Variants in EPAS1 observed in about 807,000 individuals in gnomAD.
EPAS1 encodes the protein endothelial PAS domain protein 1, also known as endothelial PAS domain-containing protein 1.
A neutral mutation model predicts 87.9 loss-of-function variants in EPAS1; 23 were observed. The ratio of observed to expected loss-of-function variants is 0.26; its 90% CI spans 0.19 to 0.37. The LOEUF (loss-of-function observed/expected upper bound fraction) is 0.37. Ranked by LOEUF, EPAS1 falls within the 10% of genes least tolerant of loss-of-function variation. The pLI is 1.00. For synonymous variants in EPAS1, 508 were observed against 444.3 expected, an observed-to-expected ratio of 1.14 and a Z score of -1.80; for missense variants, 1,138 against 1,120.7, an observed-to-expected ratio of 1.02 and a Z score of -0.22.
At chr2:46,362,661 C>T (rs1684417119) in intron 6 of EPAS1, among the ~76,000 whole-genome samples, 1 of 152,232 alleles carries the variant, frequency 6.6e-6, no homozygotes, top group African/African-American at 2.4e-5. Context: ...GGACCCTCCT[C>T]TCCAGGATGG....
At chr2:46,348,273 A>G (rs999822377) in intron 2 of EPAS1, among the ~76,000 whole-genome samples, 1 of 152,216 alleles carries the variant, frequency 6.6e-6, no homozygotes, top group African/African-American at 2.4e-5. Context: ...AAATACTTTC[A>G]AAGAACAATG....
intron 1 of EPAS1, among the ~76,000 whole-genome samples, chr2:46,311,638 C>T (rs1422336078): frequency 6.6e-6 from 1 of 152,212 alleles, no homozygotes; most frequent in East Asian, 1.9e-4. Flanking sequence ...GGGTGTGAAA[C>T]CTGTGAACAT....
intron 1 of EPAS1, among the ~76,000 whole-genome samples, chr2:46,329,024 A>C (rs1457617569): frequency 6.6e-6 from 1 of 152,274 alleles, no homozygotes; most frequent in East Asian, 1.9e-4. Flanking sequence ...AGCCTCTGGG[A>C]AAGTGCTCAC....
At position 46,360,937 on chromosome 2, in the gene EPAS1, A is replaced by G. The variant is rs764942113; in HGVS notation, c.626A>G (p.Asn209Ser). The G allele has an allele frequency of 7.4e-6, 12 of 1,613,976 alleles. No homozygotes were observed. Among genetic ancestry groups the G allele is most frequent in the Middle Eastern group, 1.6e-4 (1 of 6,084 alleles). Reference sequence around the variant, plus strand: ...GTCTACAACAACTGCCCTCCTCACAATAGTCTGTGTGGCTACAAGGAGCCC... The same window carrying G: ...GTCTACAACAACTGCCCTCCTCACAGTAGTCTGTGTGGCTACAAGGAGCCC... ...VKVYNNCPPH[N>S]SLCGYKEPLL... The change falls in exon 6 of 16, where the codon AAT (asparagine) becomes AGT (serine). Residue 209 changes from asparagine (N) to serine (S), a missense_variant. Around this residue, in one of 4 missense-constraint regions of EPAS1, gnomAD observed 351 missense variants for 417.1 expected, o/e 0.84. Coordinates refer to ENST00000263734, the MANE Select transcript of EPAS1 (RefSeq NM_001430.5). The surrounding 1 kb of genome is among the most constrained non-coding windows in gnomAD (Gnocchi z 4.5).
chr2:46,338,922 T>C, intron 1 of EPAS1, among the ~76,000 whole-genome samples: 1 of 23,508 alleles, frequency 4.3e-5, no homozygotes, highest in Non-Finnish European at 8.1e-5. Flanking sequence ...TCAGCTTTCA[T>C]GGGGTGGGGG....
At chr2:46,312,158 C>T (rs541920996) in intron 1 of EPAS1, among the ~76,000 whole-genome samples, 13 of 152,296 alleles carry the variant, frequency 8.5e-5, no homozygotes, top group African/African-American at 2.9e-4. Flanking sequence ...TTGGGATGAC[C>T]ACAGGGTTCT....
At chr2:46,370,419 G>A (rs1684604755) in intron 7 of EPAS1, among the ~76,000 whole-genome samples, 1 of 152,220 alleles carries the variant, frequency 6.6e-6, no homozygotes, top group Non-Finnish European at 1.5e-5. Flanking sequence ...GGAGGCTTAG[G>A]CTGAACAGAG....
chr2:46,365,922 A>G (rs1684490467), intron 6 of EPAS1, among the ~76,000 whole-genome samples: 1 of 152,266 alleles, frequency 6.6e-6, no homozygotes, highest in African/African-American at 2.4e-5. Flanking sequence ...TTATTAGCAG[A>G]TACATTCTTT....
Position 46,380,443 on chromosome 2 carries a change from C to T in EPAS1, c.1771C>T (p.Gln591Ter). 1 of 1,614,182 alleles carries T rather than the reference C, an allele frequency of 6.2e-7. No homozygotes were observed. The highest frequency in any genetic ancestry group is 8.5e-7 in the Non-Finnish European group (1 of 1,180,020). Reference protein sequence around the residue: ...SPFLLDKFQQQLESKKTEPEH... With the variant: ...SPFLLDKFQQ ...CTTCCTCCTGGACAAGTTTCAGCAG[C>T]AGCTGGAGAGCAAGAAGACAGAGCC... Residue 591 changes from glutamine to a stop codon, truncating the protein, a stop_gained, in exon 12 of 16, where the codon CAG becomes TAG. Transcript: ENST00000263734. LOFTEE classifies it high-confidence loss of function. The surrounding 1 kb of genome is among the most constrained non-coding windows in gnomAD (Gnocchi z 4.4).
In EPAS1 at chr2:46,369,807, C is replaced by T. The variant is rs778178776; in HGVS notation, c.780-20C>T. 10 of 1,590,318 alleles carry T rather than the reference C, an allele frequency of 6.3e-6. No homozygotes were observed. Among genetic ancestry groups the T allele is most frequent in the Middle Eastern group, 1.7e-4 (1 of 6,048 alleles). ...TAATATGGTCTTTCTTCCTTACATGCTGCCTTTTTAAAAACTCAGAATCAC... is the reference window on the plus strand; with the variant it reads ...TAATATGGTCTTTCTTCCTTACATGTTGCCTTTTTAAAAACTCAGAATCAC... On this transcript the variant is annotated intron_variant, in intron 6 of 15. Transcript: ENST00000263734.
chr2:46,384,349 C>G (rs943896194), intron 15 of EPAS1, 160 bp from the exon 16 acceptor site: 1 of 1,014,434 alleles, frequency 9.9e-7, no homozygotes, highest in African/African-American at 1.6e-5. Flanking sequence ...TGGAGGCAGA[C>G]ACGTTCCCCG....
chr2:46,375,584 G>A lies in EPAS1; in HGVS notation c.887-106G>A, dbSNP rs1305835194. ...CCTCACTGTCGTGGCGCCCTGTTCT[G>A]TCTGTTCCCCTGCAGATTAGACTGC... is the stretch of plus-strand genomic sequence containing the variant. On this transcript the variant is annotated intron_variant, in intron 7 of 15. Coordinates refer to ENST00000263734, the MANE Select transcript of EPAS1 (RefSeq NM_001430.5). The surrounding 1 kb of genome is among the most constrained non-coding windows in gnomAD (Gnocchi z 4.1). The A allele has an allele frequency of 3.8e-5, 55 of 1,429,396 alleles. 1 individual carries two copies. The highest frequency in any genetic ancestry group is 1.6e-4 in the South Asian group (13 of 81,240). 88.5% of individuals were successfully genotyped at this position (1,429,396 alleles called of 1,614,324 possible).
chr2:46,313,056 G>T (rs1173650904), intron 1 of EPAS1, among the ~76,000 whole-genome samples: 1 of 152,322 alleles, frequency 6.6e-6, no homozygotes, highest in East Asian at 1.9e-4. Context: ...CAGATGACTT[G>T]CCCAAGGTCT....
intron 1 of EPAS1, among the ~76,000 whole-genome samples, chr2:46,298,177 A>T (rs1572608471): frequency 6.6e-6 from 1 of 152,200 alleles, no homozygotes; most frequent in African/African-American, 2.4e-5. Context: ...CGGCGAGGCC[A>T]GGAGGCCGAG....
At chr2:46,332,289 T>G (rs1426943597) in intron 1 of EPAS1, among the ~76,000 whole-genome samples, 1 of 110,828 alleles carries the variant, frequency 9.0e-6, no homozygotes, top group Non-Finnish European at 1.7e-5. Flanking sequence ...AAAAAAAAAA[T>G]ACGTGTGTGT....
At chr2:46,303,835 T>C (rs1054584565) in intron 1 of EPAS1, among the ~76,000 whole-genome samples, 1 of 152,176 alleles carries the variant, frequency 6.6e-6, no homozygotes, top group Non-Finnish European at 1.5e-5. Flanking sequence ...CAGACAGTTC[T>C]TGTGTTTTAC....
At chr2:46,319,815 T>C (rs1683417069) in intron 1 of EPAS1, among the ~76,000 whole-genome samples, 1 of 152,220 alleles carries the variant, frequency 6.6e-6, no homozygotes, top group South Asian at 2.1e-4. Context: ...TGGTTGGGAA[T>C]TGCTTGTAAA....
Position 46,361,057 on chromosome 2 carries a change from G to C in EPAS1, c.746G>C (p.Ser249Thr). The change falls in exon 6 of 16, where the codon AGC becomes ACC. Residue 249 changes from serine (S) to threonine (T), a missense_variant. Physicochemically the swap from Ser to Thr is moderately conservative, Grantham distance 58. Around this residue, in one of 4 missense-constraint regions of EPAS1, gnomAD observed 351 missense variants for 417.1 expected, o/e 0.84. Transcript: ENST00000263734. ...LDSKTFLSRH[S>T]MDMKFTYCDD... is the part of the protein sequence containing the mutation. ...AGCAAGACCTTCCTGAGCCGCCACA[G>C]CATGGACATGAAGTTCACCTACTGT... 6.2e-7 allele frequency: 1 copy of C among 1,614,184 alleles called. No individual in the cohort carries two copies.
chr2:46,368,920 C>T (rs1424815858), intron 6 of EPAS1, among the ~76,000 whole-genome samples: 1 of 152,068 alleles, frequency 6.6e-6, no homozygotes, highest in African/African-American at 2.4e-5. Flanking sequence ...TTAGGCAGGG[C>T]TTTGTTTATT....
Sources: allele counts gnomAD v4.1 joint callset (sites outside exome capture counted in the v4.1 genomes callset), GRCh38; gene constraint gnomAD v4.1.1; regional missense constraint gnomAD v4.1.1; non-coding constraint Gnocchi (gnomAD v3.1); transcripts MANE v1.5; gene names NCBI Gene and HGNC (gene_info 2026-07-23, HGNC 2026-07-21).